The following PLCH1 variants were observed in gnomAD, a reference collection of about 807,000 sequenced individuals.
PLCH1 encodes the protein 1-phosphatidylinositol 4,5-bisphosphate phosphodiesterase eta-1.
Under a neutral mutation model 126.7 loss-of-function variants are expected in PLCH1, and 60 were observed. The ratio of observed to expected loss-of-function variants is 0.47; its 90% CI spans 0.38 to 0.59. The LOEUF is 0.59. Ranked by LOEUF, PLCH1 falls within the 20% of genes least tolerant of loss-of-function variation. PLCH1 has a pLI of 0.00. For synonymous variants in PLCH1, 719 were observed against 734.9 expected (o/e 0.98, Z 0.35); for missense variants, 1,723 against 2,040.0 (o/e 0.84, Z 2.99).
At chr3:155,463,045 T>C (rs1712788899) in intron 21 of PLCH1, among the ~76,000 whole-genome samples, 1 of 152,224 alleles carries the variant, frequency 6.6e-6, no homozygotes, top group African/African-American at 2.4e-5. Flanking sequence ...TCTGGAGACA[T>C]CCTGTAAATC....
chr3:155,476,870 T>G (rs1216427577), downstream of PLCH1, among the ~76,000 whole-genome samples: 2 of 152,028 alleles, frequency 1.3e-5, no homozygotes, highest in African/African-American at 4.8e-5. Context: ...AAAATACCAA[T>G]GACATTCTTC....
intron 2 of PLCH1, among the ~76,000 whole-genome samples, chr3:155,682,266 T>C (rs1299559605): frequency 1.3e-5 from 2 of 152,224 alleles, no homozygotes; most frequent in African/African-American, 4.8e-5. Flanking sequence ...AAGCCCAGCA[T>C]AGTTCATGCC....
Position 155,505,726 on chromosome 3 carries a change from T to C in PLCH1, c.1633-1100A>G, listed in dbSNP as rs115915305. Among the ~76,000 whole-genome samples the C allele has an allele frequency of 6.0e-3, 913 of 152,294 alleles. 9 individuals are homozygous for C. Among genetic ancestry groups the C allele is most frequent in the African/African-American group, 0.02 (847 of 41,552 alleles). ...CTGTTAACTGATTCATACATGTTTA[T>C]TGCTTTTGGAGATCTATTAATGCGG... is the stretch of plus-strand genomic sequence containing the variant. On this transcript the variant is annotated intron_variant, in intron 12 of 22. Coordinates refer to ENST00000460012, the MANE Select transcript of PLCH1 (RefSeq NM_014996.4).
intron 11 of PLCH1, among the ~76,000 whole-genome samples, chr3:155,522,826 T>C (rs1721289868): frequency 6.6e-6 from 1 of 151,992 alleles, no homozygotes; most frequent in African/African-American, 2.4e-5. Context: ...TCCTCTCAGG[T>C]TGCTGTGTTA....
intron 21 of PLCH1, among the ~76,000 whole-genome samples, chr3:155,474,286 C>T (rs1330551350): frequency 6.7e-6 from 1 of 148,200 alleles, no homozygotes; most frequent in Non-Finnish European, 1.5e-5. Flanking sequence ...AGACACTTCT[C>T]AAAAGAAGAC....
chr3:155,633,411 A>G (rs1471444887), intron 2 of PLCH1, among the ~76,000 whole-genome samples: 2 of 114,200 alleles, frequency 1.8e-5, no homozygotes, highest in East Asian at 5.5e-4. Context: ...ATTATATAAC[A>G]TCACACACAC....
intron 2 of PLCH1, among the ~76,000 whole-genome samples, chr3:155,612,873 A>G (rs1306139567): frequency 7.1e-6 from 1 of 141,304 alleles, no homozygotes; most frequent in East Asian, 2.3e-4. Context: ...GTGCCATTGC[A>G]CTCTGGCCTG....
At chr3:155,490,594 A>G in intron 19 of PLCH1, 190 bp downstream of exon 19, 1 of 465,996 alleles carries the variant, frequency 2.1e-6, no homozygotes, top group Non-Finnish European at 3.8e-6. Context: ...AGATTACAAT[A>G]CCATAAAAAT....
chr3:155,486,761 T>C (rs939413695), intron 21 of PLCH1, among the ~76,000 whole-genome samples: 16 of 151,866 alleles, frequency 1.1e-4, no homozygotes, highest in African/African-American at 3.1e-4. Context: ...CCTGACCTCA[T>C]GATCCACCCG....
intron 2 of PLCH1, among the ~76,000 whole-genome samples, chr3:155,638,632 T>G (rs1259805952): frequency 6.6e-6 from 1 of 152,252 alleles, no homozygotes; most frequent in Non-Finnish European, 1.5e-5. Flanking sequence ...TCAAGCTACT[T>G]CCAACTCTAG....
chr3:155,683,049 G>T (rs1018728608), intron 2 of PLCH1, among the ~76,000 whole-genome samples: 1 of 152,132 alleles, frequency 6.6e-6, no homozygotes, highest in Non-Finnish European at 1.5e-5. Context: ...AACCAGTTTG[G>T]ATCTCTCCTG....
intron 2 of PLCH1, among the ~76,000 whole-genome samples, chr3:155,685,524 G>T (rs530233868): frequency 1.4e-3 from 219 of 152,284 alleles, no homozygotes; most frequent in Admixed American, 2.4e-3. Flanking sequence ...CTCAGTGGAA[G>T]AAGAGTTAAG....
chr3:155,602,871 G>A (rs981130988), intron 2 of PLCH1, among the ~76,000 whole-genome samples: 12 of 152,156 alleles, frequency 7.9e-5, no homozygotes, highest in Admixed American at 7.2e-4. Flanking sequence ...TTGCATGTTT[G>A]TGTATATGTG....
intron 12 of PLCH1, among the ~76,000 whole-genome samples, chr3:155,513,271 A>G (rs996317503): frequency 6.6e-6 from 1 of 152,198 alleles, no homozygotes; most frequent in Non-Finnish European, 1.5e-5. Context: ...TAAAAACCTC[A>G]AAAATAAGTA....
At chr3:155,591,539 G>C (rs886732023) in intron 4 of PLCH1, among the ~76,000 whole-genome samples, 43 of 152,142 alleles carry the variant, frequency 2.8e-4, no homozygotes, top group African/African-American at 9.9e-4. Flanking sequence ...AAAGAGATTT[G>C]TAAAACAGTG....
At chr3:155,661,606 C>A (rs537355446) in intron 2 of PLCH1, among the ~76,000 whole-genome samples, 12 of 152,186 alleles carry the variant, frequency 7.9e-5, no homozygotes, top group African/African-American at 2.6e-4. Context: ...GCAACCTGTA[C>A]CAGCTATAAA....
At chr3:155,690,348 A>G (rs1449235594) in intron 2 of PLCH1, among the ~76,000 whole-genome samples, 1 of 152,250 alleles carries the variant, frequency 6.6e-6, no homozygotes, top group Admixed American at 6.5e-5. Context: ...GTTCAAAGGA[A>G]GAGGATGCAC....
At chr3:155,585,018 A>G (rs950876495) in intron 5 of PLCH1, among the ~76,000 whole-genome samples, 1 of 152,286 alleles carries the variant, frequency 6.6e-6, no homozygotes. Context: ...AAGATAATTC[A>G]TTTGCCCTCC....
chr3:155,561,582 C>T lies in PLCH1; in HGVS notation c.1069+3333G>A, dbSNP rs560874088. On this transcript the variant is annotated intron_variant, in intron 8 of 22. Transcript: ENST00000460012. ...AAGCCTTTGCTATTGTGAATAATGC[C>T]GCAATAAACATACGTGTGCATGTGT... Among the ~76,000 whole-genome samples the T allele has an allele frequency of 3.8e-3, 572 of 151,862 alleles. 1 individual carries two copies. The highest frequency in any genetic ancestry group is 7.1e-3 in the South Asian group (34 of 4,804).
Sources: gnomAD v4.1 joint callset for allele counts (sites outside exome capture counted in the v4.1 genomes callset) on GRCh38, gnomAD v4.1.1 for gene constraint, MANE v1.5 for transcripts, NCBI Gene and HGNC (gene_info 2026-07-23, HGNC 2026-07-21) for gene names.